DIXDC1: variants seen among roughly 807,000 people sequenced by gnomAD.
DIXDC1 encodes DIX domain containing 1.
Under a neutral mutation model 103.1 loss-of-function variants are expected in DIXDC1, and 64 were observed. The observed-to-expected ratio is 0.62, with a 90% CI of 0.51 to 0.76. The LOEUF (loss-of-function observed/expected upper bound fraction) is 0.76, where lower values mean the gene tolerates loss of function less well. Ranked by LOEUF, DIXDC1 falls within the 30% of genes least tolerant of loss-of-function variation. The pLI, the probability that DIXDC1 is intolerant of heterozygous loss-of-function variation, is 0.00. For synonymous variants in DIXDC1, 266 were observed against 298.5 expected (o/e 0.89, Z 1.12); for missense variants, 759 against 834.2 (o/e 0.91, Z 1.11).
At chr11:111,988,269 A>C (rs587754842) in intron 9 of DIXDC1, among the ~76,000 whole-genome samples, 1 of 152,314 alleles carries the variant, frequency 6.6e-6, no homozygotes, top group Admixed American at 6.5e-5. Flanking sequence ...AAGTGCTGGG[A>C]TTATAGGCAT....
intron 5 of DIXDC1, among the ~76,000 whole-genome samples, chr11:111,978,187 A>T (rs1425844915): frequency 5.9e-5 from 9 of 152,206 alleles, no homozygotes; most frequent in African/African-American, 1.9e-4. Flanking sequence ...TATCAGCCAG[A>T]CCTGATCAGT....
chr11:112,008,173 C>T (rs1240407022), intron 17 of DIXDC1, among the ~76,000 whole-genome samples: 2 of 151,494 alleles, frequency 1.3e-5, no homozygotes, highest in East Asian at 1.9e-4. Flanking sequence ...AAATCCTACT[C>T]TCTGATAAAA....
In DIXDC1 at chr11:111,986,338, T is replaced by G. The variant is rs1358602480; in HGVS notation, c.1009-533T>G. 4.4e-4 allele frequency among the ~76,000 whole-genome samples: 13 copies of G among 29,676 alleles called. No homozygotes were observed. In the East Asian group the frequency reaches 0.01, roughly 24 times the overall value. 19.5% of individuals were successfully genotyped at this position (29,676 alleles called of 152,430 possible). On this transcript the variant is annotated intron_variant, in intron 8 of 19. Transcript: ENST00000440460. ...CTTCCCTTTACCCCACCCCCTCCCC[T>G]GCACCCAACCCCCACCCCATACTTA... is the stretch of plus-strand genomic sequence containing the variant.
Position 111,985,307 on chromosome 11 carries a change from C to G in DIXDC1, c.994C>G (p.Pro332Ala), listed in dbSNP as rs782645339. 1 of 1,613,128 alleles carries G rather than the reference C, an allele frequency of 6.2e-7. No homozygotes were observed. Among genetic ancestry groups the G allele is most frequent in the Admixed American group, 1.7e-5 (1 of 59,806 alleles). The change falls in exon 8 of 20, where the codon CCC (proline) becomes GCC (alanine). Residue 332 changes from proline (P) to alanine (A), a missense_variant. This residue lies in a region of DIXDC1 where 657 missense variants were observed against 727.5 expected (regional missense o/e 0.90). Coordinates refer to ENST00000440460, the MANE Select transcript of DIXDC1 (RefSeq NM_001037954.4). ...PLALCEPGVN[P>A]EEQLIIIQSR... ...GGCCCTCTGTGAACCAGGTGTCAAT[C>G]CCGAGGAACAACTGGTGAGCTCCAT...
chr11:111,975,539 CA>C (rs1555172514), intron 5 of DIXDC1: 8 of 987,674 alleles, frequency 8.1e-6, no homozygotes, highest in Non-Finnish European at 9.6e-6. Context: ...GAGCCAAGTA[CA>C]GAGACCAAAA....
Position 111,962,052 on chromosome 11 carries a change from A to G in DIXDC1, c.61-2497A>G, listed in dbSNP as rs1859597758. 2.6e-5 allele frequency among the ~76,000 whole-genome samples: 4 copies of G among 152,138 alleles called. 1 individual carries two copies. In the South Asian group the frequency reaches 8.3e-4, roughly 32 times the overall value. On this transcript the variant is annotated intron_variant, in intron 1 of 19. Coordinates refer to ENST00000440460, the MANE Select transcript of DIXDC1 (RefSeq NM_001037954.4). ...AAGCTGGGGCTTGTTGTAGCCTCAT[A>G]ACTGGGTACAGTGCCTCAAATTATT...
In DIXDC1 at chr11:111,941,830, A is replaced by T. The variant is rs1398416012; in HGVS notation, c.60+4271A>T. Among the ~76,000 whole-genome samples, 5 of 138,442 alleles carry T rather than the reference A, an allele frequency of 3.6e-5. No individual in the cohort carries two copies. In the East Asian group the frequency reaches 1.1e-3, roughly 30 times the overall value. The allele number at this position is 138,442 out of a possible 152,430, so 90.8% of individuals were successfully genotyped here. On this transcript the variant is annotated intron_variant, in intron 1 of 19. Coordinates refer to ENST00000440460, the MANE Select transcript of DIXDC1 (RefSeq NM_001037954.4). ...GAGATTCTGTCTCAAAACAAAACGA[A>T]ACAAAATACACACACACACACACAC...
intron 17 of DIXDC1, chr11:112,016,108 CGAGA>C (rs1861582772): frequency 6.6e-6 from 1 of 150,680 alleles, no homozygotes; most frequent in Admixed American, 6.6e-5. Flanking sequence ...CCGCGCCCGG[CGAGA>C]CCCTGTCTTA....
At position 111,974,156 on chromosome 11, in the gene DIXDC1, C is replaced by T. The variant is rs782101969; in HGVS notation, c.450C>T (p.His150=). 6.2e-7 allele frequency: 1 copy of T among 1,614,060 alleles called. No homozygotes were observed. The highest frequency in any genetic ancestry group is 1.1e-5 in the South Asian group (1 of 91,088). Residue 150 remains histidine (H), a synonymous_variant, in exon 4 of 20, where the codon CAC becomes CAT. Transcript: ENST00000440460. Reference sequence around the variant, plus strand: ...CCCCTCTGCAAAGTCACCGACCACACTGTGCCACTGCTGTTGCCCAGGGAG... The same window carrying T: ...CCCCTCTGCAAAGTCACCGACCACATTGTGCCACTGCTGTTGCCCAGGGAG... ...SRAPLQSHRP[H]CATAVAQGAA...
At chr11:112,011,387 A>G (rs1861415993) in intron 17 of DIXDC1, among the ~76,000 whole-genome samples, 1 of 152,230 alleles carries the variant, frequency 6.6e-6, no homozygotes, top group African/African-American at 2.4e-5. Context: ...ATTGTGGAAG[A>G]CAGTGTGGCG....
chr11:111,966,415 T>C (rs2137513928), intron 2 of DIXDC1, among the ~76,000 whole-genome samples: 1 of 141,822 alleles, frequency 7.1e-6, no homozygotes, highest in East Asian at 2.0e-4. Context: ...TTTTTTTTTT[T>C]TTTTTTGAGA....
At chr11:111,956,624 G>A (rs1399364980) in intron 1 of DIXDC1, among the ~76,000 whole-genome samples, 1 of 152,026 alleles carries the variant, frequency 6.6e-6, no homozygotes, top group Non-Finnish European at 1.5e-5. Context: ...AAAGTAGTTG[G>A]GATTACAGGT....
At chr11:111,934,665 G>T (rs1297479159), upstream of DIXDC1, among the ~76,000 whole-genome samples, 2 of 152,064 alleles carry the variant, frequency 1.3e-5, no homozygotes, top group Admixed American at 6.6e-5. Flanking sequence ...TGTTAGTGTT[G>T]TTTGGAGCTA....
intron 7 of DIXDC1, among the ~76,000 whole-genome samples, chr11:111,984,263 A>G (rs1860415869): frequency 6.6e-6 from 1 of 152,202 alleles, no homozygotes; most frequent in Admixed American, 6.5e-5. Flanking sequence ...AATTAGGTAT[A>G]GGCAACGCAT....
rs1966243629 is a variant in DIXDC1 at position 111,937,418 on chromosome 11, C to T, written c.-82C>T. ...GGATCCCAATGAGCTGAGCCGAGAG[C>T]CTTTGTGTGCAGAGGGAGGAGGAGG... On this transcript the variant is annotated 5_prime_UTR_variant, in exon 1 of 20. Transcript: ENST00000440460. 3 of 1,531,804 alleles carry T rather than the reference C, an allele frequency of 2.0e-6. No homozygotes were observed. Among genetic ancestry groups the T allele is most frequent in the Admixed American group, 2.1e-5 (1 of 46,872 alleles). The allele number at this position is 1,531,804 out of a possible 1,614,324, so 94.9% of individuals were successfully genotyped here.
At chr11:111,985,692 TG>T (rs1860465936) in intron 8 of DIXDC1, among the ~76,000 whole-genome samples, 1 of 152,080 alleles carries the variant, frequency 6.6e-6, no homozygotes, top group Non-Finnish European at 1.5e-5. Flanking sequence ...AACATTAACC[TG>T]GGCGGTAGTA....
At chr11:111,982,217 G>A in intron 6 of DIXDC1, 122 bp from the exon 7 acceptor site, 1 of 1,093,934 alleles carries the variant, frequency 9.1e-7, no homozygotes, top group Non-Finnish European at 1.3e-6. Context: ...AGTCCAGTCT[G>A]TGCTATGAGA....
intron 3 of DIXDC1, 48 bp from the exon 4 acceptor site, chr11:111,973,974 TC>T (rs1555172313): frequency 1.3e-6 from 2 of 1,586,098 alleles, no homozygotes; most frequent in Non-Finnish European, 1.7e-6. Flanking sequence ...TTTGCCTCCC[TC>T]TTAGGACCTC....
chr11:111,952,446 G>T (rs1408313720), intron 1 of DIXDC1, among the ~76,000 whole-genome samples: 2 of 152,116 alleles, frequency 1.3e-5, no homozygotes, highest in African/African-American at 2.4e-5. Flanking sequence ...TGTAATCCCA[G>T]ACTTTGGGAG....
Sources: gnomAD v4.1 joint callset for allele counts (sites outside exome capture counted in the v4.1 genomes callset) on GRCh38, gnomAD v4.1.1 for gene constraint, gnomAD v4.1.1 regional missense constraint, MANE v1.5 for transcripts, NCBI Gene and HGNC (gene_info 2026-07-23, HGNC 2026-07-21) for gene names.